The following SP1 variants were observed in gnomAD, a reference collection of about 807,000 sequenced individuals.
SP1 encodes transcription factor Sp1.
A neutral mutation model predicts 66.3 loss-of-function variants in SP1; 6 were observed. That is an observed-to-expected ratio of 0.09 (90% CI 0.05 to 0.18). The LOEUF (loss-of-function observed/expected upper bound fraction) is 0.18. Ranked by LOEUF, SP1 falls within the 10% of genes least tolerant of loss-of-function variation. SP1 has a pLI of 1.00. For missense variants in SP1, 848 were observed against 964.5 expected (o/e 0.88, Z 1.60); for synonymous variants, 417 against 360.8 (o/e 1.16, Z -1.77).
intron 3 of SP1, among the ~76,000 whole-genome samples, chr12:53,405,785 G>A (rs955566868): frequency 2.6e-5 from 4 of 152,050 alleles, no homozygotes; most frequent in African/African-American, 9.7e-5. Context: ...ATGTTATTAG[G>A]GTTTCAACTT....
intron 3 of SP1, among the ~76,000 whole-genome samples, chr12:53,386,706 C>G (rs1465706768): frequency 1.3e-5 from 2 of 151,854 alleles, no homozygotes; most frequent in Non-Finnish European, 2.9e-5. Flanking sequence ...CCAGGCTGGT[C>G]TCGAACTCCT....
intron 5 of SP1, among the ~76,000 whole-genome samples, chr12:53,409,867 G>A (rs1246048167): frequency 4.6e-5 from 7 of 152,092 alleles, no homozygotes; most frequent in Admixed American, 3.3e-4. Flanking sequence ...AAAATTAGCC[G>A]GGCATGGTGG....
intron 2 of SP1, 89 bp from the exon 3 acceptor site, chr12:53,382,021 A>C: frequency 7.6e-7 from 1 of 1,312,262 alleles, no homozygotes; most frequent in Non-Finnish European, 1.1e-6. Flanking sequence ...CCTTGTCTGC[A>C]CTACGTTGCT....
intron 3 of SP1, among the ~76,000 whole-genome samples, chr12:53,402,892 G>C (rs1938639568): frequency 6.6e-6 from 1 of 151,688 alleles, no homozygotes; most frequent in African/African-American, 2.4e-5. Context: ...AGAATCACTG[G>C]AACCTGGGAG....
At position 53,380,251 on chromosome 12, in the gene SP1, C is replaced by CCCCCCCG; in HGVS notation, c.-39_-38insCCCCGCC. On this transcript the variant is annotated 5_prime_UTR_variant, in exon 1 of 6. Transcript: ENST00000327443. ...GTTTTTCCCGGCCCCCCCCAACCCC[C>CCCCCCCG]CCGGACAGGACCCCCTTGAGCTTGT... 2.0e-6 allele frequency: 3 copies of CCCCCCCG among 1,500,424 alleles called. No homozygotes were observed. Among genetic ancestry groups the CCCCCCCG allele is most frequent in the Non-Finnish European group, 2.8e-6 (3 of 1,079,296 alleles). 92.9% of individuals were successfully genotyped at this position (1,500,424 alleles called of 1,614,324 possible).
intron 3 of SP1, among the ~76,000 whole-genome samples, chr12:53,391,491 A>G (rs1261436700): frequency 6.6e-6 from 1 of 151,616 alleles, no homozygotes. Flanking sequence ...GGCCTAGCTA[A>G]TTTTTGTATT....
chr12:53,380,672 G>A (rs1040439124), intron 1 of SP1: 23 of 988,402 alleles, frequency 2.3e-5, no homozygotes, highest in Middle Eastern at 5.1e-4. Flanking sequence ...CCGCCTGCCT[G>A]GTCCGCCCTC....
intron 3 of SP1, among the ~76,000 whole-genome samples, chr12:53,389,390 A>G (rs9739640): frequency 0.18 from 27,508 of 151,166 alleles, 2,583 homozygotes; most frequent in African/African-American, 0.21. Context: ...TGTATTTTTA[A>G]TCGAGATTGA....
In SP1 at chr12:53,382,270, A is replaced by T. The variant is rs2136887019; in HGVS notation, c.323A>T (p.Gln108Leu). The change falls in exon 3 of 6, where the codon CAG becomes CTG. Residue 108 changes from glutamine to leucine, a missense_variant. Gln to Leu is a moderately radical substitution (Grantham distance 113). This residue lies in a region of SP1 where 606 missense variants were observed against 589.9 expected (regional missense o/e 1.03). Coordinates refer to ENST00000327443, the MANE Select transcript of SP1 (RefSeq NM_138473.3). ...CTTTCACAGGGTGCCAATGGCTGGC[A>T]GATCATCTCTTCCTCCTCTGGGGCT... ...TQLSQGANGW[Q>L]IISSSSGATP... is the part of the protein sequence containing the mutation. 1 of 1,614,202 alleles carries T rather than the reference A, an allele frequency of 6.2e-7. No homozygotes were observed. Among genetic ancestry groups the T allele is most frequent in the Admixed American group, 1.7e-5 (1 of 60,006 alleles).
chr12:53,406,556 A>C, intron 3 of SP1, 29 bp from the exon 4 acceptor site: 1 of 1,608,828 alleles, frequency 6.2e-7, no homozygotes. Context: ...CCCATGTCAC[A>C]TGTTGACCCT....
At chr12:53,380,512 G>T (rs1938060139) in intron 1 of SP1, 1 of 498,644 alleles carries the variant, frequency 2.0e-6, no homozygotes, top group South Asian at 9.3e-5. Flanking sequence ...CCCGGGGGAG[G>T]GGGCAGCGTG....
In SP1 at chr12:53,387,242, C is replaced by T. The variant is rs559247239; in HGVS notation, c.1675+3620C>T. ...CTGGGATTACAGGCGTGAGCCACTGCGCCTGGCCACTTCTAGTTCTTTTGG... is the reference window on the plus strand; with the variant it reads ...CTGGGATTACAGGCGTGAGCCACTGTGCCTGGCCACTTCTAGTTCTTTTGG... On this transcript the variant is annotated intron_variant, in intron 3 of 5. Coordinates refer to ENST00000327443, the MANE Select transcript of SP1 (RefSeq NM_138473.3). Among the ~76,000 whole-genome samples the T allele has an allele frequency of 2.7e-3, 406 of 152,184 alleles. 2 individuals are homozygous for T. The highest frequency in any genetic ancestry group is 4.9e-3 in the Non-Finnish European group (332 of 67,980).
chr12:53,385,076 C>T (rs1394349004), intron 3 of SP1, among the ~76,000 whole-genome samples: 1 of 150,776 alleles, frequency 6.6e-6, no homozygotes, highest in Non-Finnish European at 1.5e-5. Flanking sequence ...GGGTGGGTCA[C>T]CTGAGGTCAG....
In SP1 at chr12:53,392,792, G is replaced by A. The variant is rs943385465; in HGVS notation, c.1675+9170G>A. ...TTACAGGCGTGAGCCACCATGCCTG[G>A]CCTAGAAGGAGGTTTTGTTTTTTGT... On this transcript the variant is annotated intron_variant, in intron 3 of 5. Coordinates refer to ENST00000327443, the MANE Select transcript of SP1 (RefSeq NM_138473.3). Among the ~76,000 whole-genome samples the A allele has an allele frequency of 4.6e-5, 7 of 151,864 alleles. No homozygotes were observed. The East Asian group carries it at 9.7e-4, about 21-fold the overall frequency.
chr12:53,385,997 T>C (rs967574916), intron 3 of SP1, among the ~76,000 whole-genome samples: 1 of 152,138 alleles, frequency 6.6e-6, no homozygotes, highest in Non-Finnish European at 1.5e-5. Flanking sequence ...GAACTGTAAC[T>C]CCTAATTGAA....
Position 53,382,809 on chromosome 12 carries a change from A to T in SP1, c.862A>T (p.Ser288Cys). The stretch of plus-strand genomic sequence containing the variant: ...CAGCTCTCAGGCAGTCACGATCAGC[A>T]GCTCTGGGTCCCAGGAGAGTGGCTC... ...TPSSQAVTIS[S>C]SGSQESGSQP... Residue 288 changes from serine to cysteine, a missense_variant, in exon 3 of 6, where the codon AGC becomes TGC. This residue lies in a region of SP1 where 606 missense variants were observed against 589.9 expected (regional missense o/e 1.03). Coordinates refer to ENST00000327443, the MANE Select transcript of SP1 (RefSeq NM_138473.3). The T allele has an allele frequency of 6.2e-7, 1 of 1,614,206 alleles. No individual in the cohort carries two copies. Among genetic ancestry groups the T allele is most frequent in the Non-Finnish European group, 8.5e-7 (1 of 1,180,038 alleles).
rs754587120 is a variant in SP1, at chr12:53,383,489, C to T, written c.1542C>T (p.Gly514=). ...PIASAASIPA[G]TVTVNAAQLS... is the part of the protein sequence containing the mutation. ...CCTCAGCTGCTTCCATTCCTGCTGG[C>T]ACAGTCACTGTGAATGCTGCTCAAC... is the stretch of plus-strand genomic sequence containing the variant. The change falls in exon 3 of 6, where the codon GGC becomes GGT. Residue 514 remains glycine, a synonymous_variant. Coordinates refer to ENST00000327443, the MANE Select transcript of SP1 (RefSeq NM_138473.3). 2.5e-6 allele frequency: 4 copies of T among 1,614,080 alleles called. No individual in the cohort carries two copies. In the East Asian group the frequency reaches 8.9e-5, roughly 36 times the overall value.
At chr12:53,389,778 C>T (rs943450676) in intron 3 of SP1, among the ~76,000 whole-genome samples, 2 of 152,000 alleles carry the variant, frequency 1.3e-5, no homozygotes, top group African/African-American at 2.4e-5. Flanking sequence ...CGCAGGTTGA[C>T]GGGGAGTTGG....
At chr12:53,409,002 A>G (rs1472244569) in intron 4 of SP1, among the ~76,000 whole-genome samples, 5 of 151,922 alleles carry the variant, frequency 3.3e-5, no homozygotes, top group African/African-American at 1.2e-4. Context: ...GGGCAGATCC[A>G]TCACCTGAGC....
Sources: gnomAD v4.1 joint callset for allele counts (sites outside exome capture counted in the v4.1 genomes callset) on GRCh38, gnomAD v4.1.1 for gene constraint, gnomAD v4.1.1 regional missense constraint, MANE v1.5 for transcripts, NCBI Gene and HGNC (gene_info 2026-07-23, HGNC 2026-07-21) for gene names.